Variants in VBP1 observed in about 807,000 individuals in gnomAD.
VBP1 encodes the protein prefoldin subunit 3.
Under a neutral mutation model 15.5 loss-of-function variants are expected in VBP1, and 4 were observed. The observed-to-expected ratio is 0.26, with a 90% CI of 0.13 to 0.59. VBP1 has a LOEUF of 0.59. VBP1 is among the 20% of genes least tolerant of loss of function. The probability of loss-of-function intolerance (pLI) is 0.90; values close to 1 mark genes in which losing one functional copy is unlikely to be tolerated. For synonymous variants in VBP1, 61 were observed against 52.1 expected, an observed-to-expected ratio of 1.17 and a Z score of -0.74; for missense variants, 108 against 139.6, an observed-to-expected ratio of 0.77 and a Z score of 1.14.
At chrX:155,199,922 AG>A (rs1297412662) in intron 1 of VBP1, among the ~76,000 whole-genome samples, 2 of 91,807 alleles carry the variant, frequency 2.2e-5, no homozygotes, top group Non-Finnish European at 4.5e-5. Context: ...AGATCTACCA[AG>A]CAAATGGAAA....
intron 2 of VBP1, among the ~76,000 whole-genome samples, chrX:155,224,291 C>T (rs2074708486): frequency 8.9e-6 from 1 of 112,768 alleles, no homozygotes; most frequent in South Asian, 3.6e-4. Context: ...GATCACGCCA[C>T]TGCACTCCAG....
At chrX:155,198,770 A>G (rs2074589048) in intron 1 of VBP1, among the ~76,000 whole-genome samples, 1 of 112,386 alleles carries the variant, frequency 8.9e-6, no homozygotes, top group African/African-American at 3.2e-5. Context: ...AATGACTTTG[A>G]CGAGTTGAGA....
intron 4 of VBP1, among the ~76,000 whole-genome samples, chrX:155,232,555 C>T (rs1345056719): frequency 1.8e-5 from 2 of 111,809 alleles, no homozygotes; most frequent in African/African-American, 6.5e-5. Flanking sequence ...AGAGGGCCTC[C>T]CAATGGCCAG....
chrX:155,217,793 C>T (rs1295765329), intron 1 of VBP1, among the ~76,000 whole-genome samples: 7 of 111,295 alleles, frequency 6.3e-5, no homozygotes, highest in South Asian at 7.6e-4. Context: ...AACTGAGGTA[C>T]GGGGCACTTG....
chrX:155,198,025 A>T (rs958059881), intron 1 of VBP1, among the ~76,000 whole-genome samples: 1 of 112,258 alleles, frequency 8.9e-6, no homozygotes, highest in Non-Finnish European at 1.9e-5. Context: ...GCAGTCTGAG[A>T]TCAAACTGCA....
chrX:155,221,295 G>A (rs1316628881), intron 2 of VBP1, among the ~76,000 whole-genome samples: 1 of 110,913 alleles, frequency 9.0e-6, no homozygotes, highest in East Asian at 2.8e-4. Flanking sequence ...TTGTGCCACT[G>A]CACTCCAGCC....
At chrX:155,221,587 C>T (rs1466346983) in intron 2 of VBP1, among the ~76,000 whole-genome samples, 5 of 111,974 alleles carry the variant, frequency 4.5e-5, no homozygotes, top group Non-Finnish European at 7.5e-5. Context: ...CAAAGTAGAA[C>T]AGTAGAGGTA....
intron 1 of VBP1, among the ~76,000 whole-genome samples, chrX:155,202,811 G>C (rs1180448844): frequency 9.1e-6 from 1 of 109,664 alleles, no homozygotes; most frequent in African/African-American, 3.3e-5. Flanking sequence ...TACCATCAGA[G>C]TGAACAGGCA....
chrX:155,204,243 C>T, intron 1 of VBP1, among the ~76,000 whole-genome samples: 1 of 111,204 alleles, frequency 9.0e-6, no homozygotes, highest in South Asian at 3.8e-4. Context: ...ACCTCTGCCC[C>T]CCGGGTTCAA....
chrX:155,197,691 G>A (rs965214412), intron 1 of VBP1, among the ~76,000 whole-genome samples: 11 of 112,000 alleles, frequency 9.8e-5, no homozygotes, highest in South Asian at 3.7e-4. Flanking sequence ...CGCAGAAGAC[G>A]GGTGATTTCT....
upstream of VBP1, chrX:155,216,266 C>A (rs192523308): frequency 1.2e-3 from 857 of 733,934 alleles, 1 homozygote; most frequent in Non-Finnish European, 1.4e-3. Flanking sequence ...TCTTTCGCGG[C>A]CCTTCCACGC....
chrX:155,207,425 T>C (rs2074630029), intron 1 of VBP1, among the ~76,000 whole-genome samples: 1 of 111,840 alleles, frequency 8.9e-6, no homozygotes, highest in Admixed American at 9.5e-5. Flanking sequence ...TCTGATAGCA[T>C]CACAGAAGTA....
intron 2 of VBP1, among the ~76,000 whole-genome samples, chrX:155,211,192 T>C (rs2074643819): frequency 8.9e-6 from 1 of 111,856 alleles, no homozygotes; most frequent in Non-Finnish European, 1.9e-5. Flanking sequence ...GCACTTAGCA[T>C]TAACTGTCTT....
chrX:155,215,043 A>G (rs782301113), upstream of VBP1, among the ~76,000 whole-genome samples: 1 of 110,959 alleles, frequency 9.0e-6, no homozygotes, highest in East Asian at 2.8e-4. Context: ...TATATCTCTT[A>G]GAGGGATTTA....
chrX:155,232,948 A>T (rs1557311077), intron 4 of VBP1, among the ~76,000 whole-genome samples: 1 of 112,843 alleles, frequency 8.9e-6, no homozygotes, highest in Non-Finnish European at 1.9e-5. Context: ...AGTCGAATGG[A>T]TGAGTAAATC....
At chrX:155,204,603 G>A (rs1310539162) in intron 1 of VBP1, among the ~76,000 whole-genome samples, 2 of 111,882 alleles carry the variant, frequency 1.8e-5, no homozygotes, top group Non-Finnish European at 3.8e-5. Context: ...AAATAATATA[G>A]CACATGCCTT....
intron 1 of VBP1, among the ~76,000 whole-genome samples, chrX:155,199,637 C>A (rs1210418150): frequency 5.4e-5 from 6 of 111,979 alleles, no homozygotes; most frequent in African/African-American, 1.9e-4. Flanking sequence ...ACAACCAGTA[C>A]CAGCCACTGC....
intron 1 of VBP1, among the ~76,000 whole-genome samples, chrX:155,204,100 T>C: frequency 8.9e-6 from 1 of 112,175 alleles, no homozygotes; most frequent in African/African-American, 3.2e-5. Context: ...TACTGTATGA[T>C]TGTTCACTTT....
intron 1 of VBP1, among the ~76,000 whole-genome samples, chrX:155,218,242 G>A (rs1557309261): frequency 1.8e-5 from 2 of 111,648 alleles, no homozygotes; most frequent in Non-Finnish European, 3.8e-5. Context: ...TAATTGAAGT[G>A]ACATGGTATT....
Sources: gnomAD v4.1 joint callset for allele counts (sites outside exome capture counted in the v4.1 genomes callset) on GRCh38, gnomAD v4.1.1 for gene constraint, MANE v1.5 for transcripts, NCBI Gene and HGNC (gene_info 2026-07-23, HGNC 2026-07-21) for gene names.